TACR3: variants seen among roughly 807,000 people sequenced by gnomAD.
TACR3 encodes tachykinin receptor 3, also known as neuromedin-K receptor.
In TACR3, 34 loss-of-function variants were observed where a neutral mutation model predicts 35.0. The ratio of observed to expected loss-of-function variants is 0.97; its 90% CI spans 0.74 to 1.30. TACR3 has a LOEUF of 1.30. Among genes scored for constraint, TACR3 ranks in the 50% most tolerant of loss-of-function variants. TACR3 has a pLI of 0.00. For synonymous variants in TACR3, 233 were observed against 221.1 expected (o/e 1.05, Z -0.48); for missense variants, 558 against 591.7 (o/e 0.94, Z 0.59).
At chr4:103,685,509 T>C (rs1722208829) in intron 1 of TACR3, among the ~76,000 whole-genome samples, 1 of 152,130 alleles carries the variant, frequency 6.6e-6, no homozygotes, top group South Asian at 2.1e-4. Flanking sequence ...TGTTGATAAA[T>C]TAATCTTTAT....
chr4:103,712,134 GA>G (rs1030901810), intron 1 of TACR3, among the ~76,000 whole-genome samples: 2 of 152,026 alleles, frequency 1.3e-5, no homozygotes, highest in African/African-American at 4.8e-5. Flanking sequence ...CACAGAATTG[GA>G]AAAAAACTAC....
At chr4:103,611,805 A>T (rs917011536) in intron 3 of TACR3, among the ~76,000 whole-genome samples, 4 of 152,140 alleles carry the variant, frequency 2.6e-5, no homozygotes, top group Non-Finnish European at 4.4e-5. Flanking sequence ...CATCTATCTG[A>T]CTGCCAGAGA....
chr4:103,624,212 A>C (rs1049124825), intron 3 of TACR3: 3 of 152,018 alleles, frequency 2.0e-5, no homozygotes, highest in Non-Finnish European at 1.5e-5. Context: ...TTCTTTGCAG[A>C]TTTAGTATAC....
At chr4:103,639,948 C>T (rs1161468906) in intron 3 of TACR3, among the ~76,000 whole-genome samples, 1 of 151,888 alleles carries the variant, frequency 6.6e-6, no homozygotes, top group African/African-American at 2.4e-5. Flanking sequence ...CTATCATAAG[C>T]ATTATCTTTT....
At chr4:103,637,847 A>G (rs1260098265) in intron 3 of TACR3, among the ~76,000 whole-genome samples, 1 of 152,190 alleles carries the variant, frequency 6.6e-6, no homozygotes, top group Non-Finnish European at 1.5e-5. Flanking sequence ...AATTGCTACA[A>G]AGAGAATAAA....
intron 3 of TACR3, among the ~76,000 whole-genome samples, chr4:103,607,946 A>G (rs1462929619): frequency 6.6e-6 from 1 of 152,080 alleles, no homozygotes; most frequent in East Asian, 1.9e-4. Context: ...TAAGATAAGA[A>G]ATGATCGTTT....
chr4:103,717,193 A>G (rs1450733297), intron 1 of TACR3, among the ~76,000 whole-genome samples: 2 of 152,124 alleles, frequency 1.3e-5, no homozygotes, highest in East Asian at 3.9e-4. Context: ...TTTTGATTCT[A>G]AAAACTATTT....
chr4:103,620,051 CAA>C (rs1199568410), intron 3 of TACR3, among the ~76,000 whole-genome samples: 1 of 137,788 alleles, frequency 7.3e-6, no homozygotes, highest in African/African-American at 2.6e-5. Context: ...AATCAACAAG[CAA>C]AAAAAAAAAC....
In TACR3 at chr4:103,678,295, T is replaced by C. The variant is rs377440905; in HGVS notation, c.549-19892A>G. Among the ~76,000 whole-genome samples the C allele has an allele frequency of 1.2e-4, 18 of 152,108 alleles. No homozygotes were observed. The East Asian group carries it at 1.4e-3, about 11-fold the overall frequency. ...AAATAGTAGCTTGTGGCAGTGCCAGTGTATTCTCTTTAAATTTGCAAAGAT... is the reference window on the plus strand; with the variant it reads ...AAATAGTAGCTTGTGGCAGTGCCAGCGTATTCTCTTTAAATTTGCAAAGAT... On this transcript the variant is annotated intron_variant, in intron 1 of 4. Coordinates refer to ENST00000304883, the MANE Select transcript of TACR3 (RefSeq NM_001059.3).
chr4:103,695,262 T>C (rs967901981), intron 1 of TACR3, among the ~76,000 whole-genome samples: 1 of 152,112 alleles, frequency 6.6e-6, no homozygotes, highest in Non-Finnish European at 1.5e-5. Context: ...TATACGCGGA[T>C]TGTTTTCAGT....
Position 103,619,212 on chromosome 4 carries a change from C to T in TACR3, c.889-27529G>A, listed in dbSNP as rs574252405. ...GCGTGACTTCCTATTTTTTTTTTGA[C>T]GGAGTCTCACTCTGTCACCCAGGCT... is the stretch of plus-strand genomic sequence containing the variant. On this transcript the variant is annotated intron_variant, in intron 3 of 4. Coordinates refer to ENST00000304883, the MANE Select transcript of TACR3 (RefSeq NM_001059.3). Among the ~76,000 whole-genome samples, 385 of 151,346 alleles carry T rather than the reference C, an allele frequency of 2.5e-3. 5 individuals carry two copies. Among genetic ancestry groups the T allele is most frequent in the African/African-American group, 8.8e-3 (365 of 41,266 alleles).
intron 1 of TACR3, among the ~76,000 whole-genome samples, chr4:103,691,211 A>G (rs79258343): frequency 0.053 from 8,019 of 152,254 alleles, 315 homozygotes; most frequent in Non-Finnish European, 0.084. Flanking sequence ...AACAACCCAA[A>G]TGTCCTTTGT....
At chr4:103,653,573 C>A (rs943704045) in intron 3 of TACR3, among the ~76,000 whole-genome samples, 15 of 151,842 alleles carry the variant, frequency 9.9e-5, no homozygotes, top group African/African-American at 2.2e-4. Context: ...CTTACATGTT[C>A]GACTTAAAAC....
intron 3 of TACR3, among the ~76,000 whole-genome samples, chr4:103,623,731 T>G (rs1309984285): frequency 1.3e-5 from 2 of 152,130 alleles, no homozygotes; most frequent in Non-Finnish European, 2.9e-5. Context: ...GTAAGTTGAT[T>G]TACTTATTGC....
chr4:103,705,408 G>T (rs1473418876), intron 1 of TACR3, among the ~76,000 whole-genome samples: 1 of 151,888 alleles, frequency 6.6e-6, no homozygotes, highest in Non-Finnish European at 1.5e-5. Flanking sequence ...CATCAATCCA[G>T]AGTGCATCCT....
chr4:103,676,206 T>C (rs756647742), intron 1 of TACR3, among the ~76,000 whole-genome samples: 2 of 152,076 alleles, frequency 1.3e-5, no homozygotes, highest in East Asian at 1.9e-4. Flanking sequence ...TGTTAAGCAG[T>C]GAATGCAAAT....
At chr4:103,709,369 A>C (rs955525446) in intron 1 of TACR3, among the ~76,000 whole-genome samples, 1 of 152,234 alleles carries the variant, frequency 6.6e-6, no homozygotes, top group Non-Finnish European at 1.5e-5. Flanking sequence ...CTTAAAGAAA[A>C]GAATTTTCAA....
chr4:103,664,084 C>A (rs1725888321), intron 1 of TACR3, among the ~76,000 whole-genome samples: 1 of 152,080 alleles, frequency 6.6e-6, no homozygotes, highest in Non-Finnish European at 1.5e-5. Flanking sequence ...ATTAGCATAC[C>A]ACCTAAACAT....
intron 4 of TACR3, among the ~76,000 whole-genome samples, chr4:103,590,422 ATAAAT>A (rs1252140164): frequency 6.6e-6 from 1 of 152,212 alleles, no homozygotes; most frequent in African/African-American, 2.4e-5. Flanking sequence ...TTACACATTT[ATAAAT>A]TAAAGTCTCG....
Sources: gnomAD v4.1 joint callset for allele counts (sites outside exome capture counted in the v4.1 genomes callset) on GRCh38, gnomAD v4.1.1 for gene constraint, MANE v1.5 for transcripts, NCBI Gene and HGNC (gene_info 2026-07-23, HGNC 2026-07-21) for gene names.